Variants in SPART observed in about 807,000 individuals in gnomAD.
SPART encodes spastic paraplegia 20 (Troyer syndrome).
A neutral mutation model predicts 58.7 loss-of-function variants in SPART; 35 were observed. That is an observed-to-expected ratio of 0.60 (90% confidence interval 0.46 to 0.79). SPART has a LOEUF of 0.79. Among genes scored for constraint, SPART ranks in the 30% least tolerant of loss-of-function variants. The probability of loss-of-function intolerance (pLI) is 0.00; values close to 1 mark genes in which losing one functional copy is unlikely to be tolerated. For synonymous variants in SPART, 284 were observed against 280.7 expected, an observed-to-expected ratio of 1.01 and a Z score of -0.12; for missense variants, 730 against 786.1, an observed-to-expected ratio of 0.93 and a Z score of 0.85.
intron 5 of SPART, among the ~76,000 whole-genome samples, chr13:36,314,780 A>G (rs1881507233): frequency 6.6e-6 from 1 of 152,206 alleles, no homozygotes; most frequent in East Asian, 1.9e-4. Flanking sequence ...GAATTTGGCC[A>G]AAGAACCCAG....
chr13:36,336,249 C>T (rs1369453196), intron 1 of SPART: 3 of 157,730 alleles, frequency 1.9e-5, no homozygotes, highest in African/African-American at 7.3e-5. Context: ...CTGGGGAAAA[C>T]AGAAATGAGA....
rs1247232901 is a variant in SPART at position 36,303,500 on chromosome 13, C to T, written c.*865G>A. The stretch of plus-strand genomic sequence containing the variant: ...TAATATAAATTCCAATGACCGAATC[C>T]CAGAATAAAAATGTTTACCATTAGT... On this transcript the variant is annotated 3_prime_UTR_variant, in exon 9 of 9. Coordinates refer to ENST00000438666, the MANE Select transcript of SPART (RefSeq NM_015087.5). 1 of 151,810 alleles carries T rather than the reference C, an allele frequency of 6.6e-6. No individual in the cohort carries two copies. The highest frequency in any genetic ancestry group is 1.5e-5 in the Non-Finnish European group (1 of 67,932). 9.4% of individuals were successfully genotyped at this position (151,810 alleles called of 1,614,324 possible).
intron 8 of SPART, 31 bp from the exon 9 acceptor site, chr13:36,304,663 G>A (rs1034533690): frequency 6.2e-7 from 1 of 1,604,958 alleles, no homozygotes. Context: ...GACATACAAT[G>A]AAACAATAAA....
At chr13:36,352,128 G>T (rs984375612) in intron 1 of SPART, among the ~76,000 whole-genome samples, 1 of 152,130 alleles carries the variant, frequency 6.6e-6, no homozygotes, top group South Asian at 2.1e-4. Flanking sequence ...TGTACATGAG[G>T]TAAGGTTTCT....
At chr13:36,354,529 T>C (rs1303865848) in intron 1 of SPART, among the ~76,000 whole-genome samples, 2 of 152,226 alleles carry the variant, frequency 1.3e-5, no homozygotes, top group Non-Finnish European at 2.9e-5. Context: ...TGAGCATCCC[T>C]GATTAATAAC....
At chr13:36,305,058 C>G (rs140443006) in intron 8 of SPART, among the ~76,000 whole-genome samples, 25 of 152,184 alleles carry the variant, frequency 1.6e-4, no homozygotes, top group African/African-American at 5.5e-4. Flanking sequence ...TTGGCTATGT[C>G]TTTTAATTAT....
intron 3 of SPART, among the ~76,000 whole-genome samples, chr13:36,331,090 G>A (rs961690509): frequency 6.6e-6 from 1 of 152,218 alleles, no homozygotes; most frequent in East Asian, 1.9e-4. Flanking sequence ...ACAGCCCAAT[G>A]AAGTGGACAC....
chr13:36,334,919 C>T (rs180980438), intron 2 of SPART, 102 bp downstream of exon 2: 25 of 889,354 alleles, frequency 2.8e-5, no homozygotes, highest in Middle Eastern at 2.3e-4. Context: ...TAGAATTTGT[C>T]GTTATCTTTT....
chr13:36,317,640 G>A lies in SPART; in HGVS notation c.1289-3219C>T, dbSNP rs182481377. On this transcript the variant is annotated intron_variant, in intron 5 of 8. Coordinates refer to ENST00000438666, the MANE Select transcript of SPART (RefSeq NM_015087.5). ...CCCTTTTCTGGAAGGTAAGAACCCC[G>A]AACCCCTTCCCTCCGTTTCTCTGCT... Among the ~76,000 whole-genome samples the A allele has an allele frequency of 4.8e-3, 719 of 149,312 alleles. 7 individuals carry two copies. Among genetic ancestry groups the A allele is most frequent in the African/African-American group, 0.017 (672 of 40,398 alleles).
chr13:36,347,924 A>T (rs1409817303), upstream of SPART, among the ~76,000 whole-genome samples: 1 of 152,134 alleles, frequency 6.6e-6, no homozygotes, highest in Non-Finnish European at 1.5e-5. Flanking sequence ...ATTTTACATC[A>T]TTTCTTTTCT....
intron 3 of SPART, among the ~76,000 whole-genome samples, chr13:36,329,779 T>C (rs898019190): frequency 3.9e-5 from 6 of 152,208 alleles, no homozygotes; most frequent in African/African-American, 1.4e-4. Context: ...ATAGCAGTTG[T>C]TGGTATAAGT....
chr13:36,310,029 T>G (rs1275977313), intron 8 of SPART, among the ~76,000 whole-genome samples: 1 of 152,230 alleles, frequency 6.6e-6, no homozygotes, highest in Non-Finnish European at 1.5e-5. Flanking sequence ...CAGGTTCTGA[T>G]GACAGAAACA....
upstream of SPART, among the ~76,000 whole-genome samples, chr13:36,347,650 C>A (rs1276039603): frequency 1.3e-5 from 2 of 152,116 alleles, no homozygotes; most frequent in Non-Finnish European, 2.9e-5. Context: ...ACAGTGGTTT[C>A]AAAATGATTT....
chr13:36,326,659 T>C lies in SPART; in HGVS notation c.1204A>G (p.Ile402Val). The C allele has an allele frequency of 1.9e-6, 3 of 1,613,358 alleles. No individual in the cohort carries two copies. The highest frequency in any genetic ancestry group is 1.7e-5 in the Admixed American group (1 of 60,000). ...TSSEEVNLSH[I>V]VPCEPVPEEK... ...TCTGGAACTGGCTCACATGGTACAA[T>C]GTGACTCAGGTTAACTTCTTCACTT... Residue 402 changes from isoleucine (I) to valine (V), a missense_variant, in exon 5 of 9, where the codon ATT becomes GTT. Ile to Val is a conservative substitution (Grantham distance 29). Coordinates refer to ENST00000438666, the MANE Select transcript of SPART (RefSeq NM_015087.5).
intron 8 of SPART, among the ~76,000 whole-genome samples, chr13:36,309,974 G>C (rs1353495422): frequency 5.3e-5 from 8 of 152,192 alleles, no homozygotes; most frequent in African/African-American, 1.4e-4. Context: ...AGACGGAGCA[G>C]ATCGAACCAA....
At chr13:36,343,830 G>A (rs887667275) in intron 1 of SPART, among the ~76,000 whole-genome samples, 1 of 152,106 alleles carries the variant, frequency 6.6e-6, no homozygotes, top group Non-Finnish European at 1.5e-5. Context: ...CAAGAAGAGA[G>A]CTAGTAAATG....
intron 4 of SPART, 111 bp downstream of exon 4, chr13:36,329,251 A>C (rs1450970794): frequency 4.2e-6 from 5 of 1,179,030 alleles, no homozygotes; most frequent in Non-Finnish European, 5.1e-6. Flanking sequence ...TTGTTGACTA[A>C]TGCACAAGTT....
chr13:36,321,662 AC>A (rs1555261223), intron 5 of SPART, among the ~76,000 whole-genome samples: 2 of 150,090 alleles, frequency 1.3e-5, no homozygotes, highest in South Asian at 4.2e-4. Flanking sequence ...TCTCCATATC[AC>A]CCCCCAAAAA....
At position 36,335,355 on chromosome 13, in the gene SPART, A is replaced by C. The variant is rs2137550517; in HGVS notation, c.476T>G (p.Leu159Arg). Residue 159 changes from leucine (L) to arginine (R), a missense_variant, in exon 2 of 9, where the codon CTG becomes CGG. Coordinates refer to ENST00000438666, the MANE Select transcript of SPART (RefSeq NM_015087.5). Reference sequence around the variant, plus strand: ...TGGACAACTTTGTGATGGTAAAGACAGAGAAGCAGGTGCAGCAACTGCCCC... The same window carrying C: ...TGGACAACTTTGTGATGGTAAAGACCGAGAAGCAGGTGCAGCAACTGCCCC... ...SAGAVAAPAS[L>R]SLPSQSCPAE... 6.2e-7 allele frequency: 1 copy of C among 1,614,146 alleles called. No individual in the cohort carries two copies. Among genetic ancestry groups the C allele is most frequent in the East Asian group, 2.2e-5 (1 of 44,874 alleles).
Sources: gnomAD v4.1 joint callset for allele counts (sites outside exome capture counted in the v4.1 genomes callset) on GRCh38, gnomAD v4.1.1 for gene constraint, MANE v1.5 for transcripts, NCBI Gene and HGNC (gene_info 2026-07-23, HGNC 2026-07-21) for gene names.